CLDN16: variants seen among roughly 807,000 people sequenced by gnomAD.
CLDN16 encodes the protein claudin-16.
A neutral mutation model predicts 24.6 loss-of-function variants in CLDN16; 13 were observed. That is an observed-to-expected ratio of 0.53 (90% CI 0.34 to 0.84). The LOEUF is 0.84. Ranked by LOEUF, CLDN16 falls within the 40% of genes least tolerant of loss-of-function variation. The pLI, the probability that CLDN16 is intolerant of heterozygous loss-of-function variation, is 0.01. For synonymous variants in CLDN16, 116 were observed against 106.7 expected, an observed-to-expected ratio of 1.09 and a Z score of -0.54; for missense variants, 298 against 292.7, an observed-to-expected ratio of 1.02 and a Z score of -0.13.
intron 1 of CLDN16, among the ~76,000 whole-genome samples, chr3:190,325,089 C>G (rs576914080): frequency 2.0e-5 from 3 of 152,290 alleles, no homozygotes; most frequent in East Asian, 1.9e-4. Flanking sequence ...CTTTATGACT[C>G]TAAGTAATGA....
chr3:190,308,344 G>T, the CLDN16 span: 1 of 1,613,952 alleles, frequency 6.2e-7, no homozygotes, highest in Non-Finnish European at 8.5e-7. Flanking sequence ...GTAAGAGGTT[G>T]TTTTTCGGGG....
chr3:190,373,905 T>A (rs954133762), intron 2 of CLDN16, among the ~76,000 whole-genome samples: 2 of 151,554 alleles, frequency 1.3e-5, no homozygotes, highest in Admixed American at 6.6e-5. Context: ...ACCTGAGAGA[T>A]CCTTATACAT....
intron 1 of CLDN16, among the ~76,000 whole-genome samples, chr3:190,361,156 G>C (rs552216530): frequency 6.6e-6 from 1 of 152,098 alleles, no homozygotes; most frequent in South Asian, 2.1e-4. Context: ...CTTTCATTGA[G>C]TCAGTAATTA....
intron 1 of CLDN16, among the ~76,000 whole-genome samples, chr3:190,350,940 G>A (rs1717659775): frequency 6.6e-6 from 1 of 152,144 alleles, no homozygotes; most frequent in African/African-American, 2.4e-5. Context: ...GTTTGGAGGT[G>A]TGTCTCCGCC....
At chr3:190,311,298 C>A in the CLDN16 span, among the ~76,000 whole-genome samples, 7 of 152,276 alleles carry the variant, frequency 4.6e-5, no homozygotes, top group Admixed American at 2.0e-4. Flanking sequence ...CTTCATGCCA[C>A]GATGGCCACA....
At chr3:190,290,989 GA>G in the CLDN16 span, among the ~76,000 whole-genome samples, 9 of 152,190 alleles carry the variant, frequency 5.9e-5, no homozygotes, top group Admixed American at 5.9e-4. Flanking sequence ...AGAGAGTAAT[GA>G]GGGGCTGGGT....
At chr3:190,324,723 T>A (rs909945776) in intron 1 of CLDN16, among the ~76,000 whole-genome samples, 3 of 152,178 alleles carry the variant, frequency 2.0e-5, no homozygotes, top group East Asian at 1.9e-4. Flanking sequence ...CTGAGGTGAA[T>A]GCTGTTTGCT....
At chr3:190,293,241 A>G in the CLDN16 span, among the ~76,000 whole-genome samples, 5 of 151,938 alleles carry the variant, frequency 3.3e-5, no homozygotes, top group African/African-American at 1.2e-4. Flanking sequence ...ATTGGATCTC[A>G]TGAGAACACT....
intron 1 of CLDN16, among the ~76,000 whole-genome samples, chr3:190,325,549 G>A (rs1046161730): frequency 6.6e-6 from 1 of 152,154 alleles, no homozygotes; most frequent in African/African-American, 2.4e-5. Flanking sequence ...TATTCCATGT[G>A]CTTGTGCGAC....
the CLDN16 span, among the ~76,000 whole-genome samples, chr3:190,302,615 A>G: frequency 6.6e-6 from 1 of 152,024 alleles, no homozygotes. Flanking sequence ...AGAAAAAAAT[A>G]CAAAAATTAG....
At position 190,411,123 on chromosome 3, in the gene CLDN16, T is replaced by C. The variant is rs992035157; in HGVS notation, c.*1087T>C. The C allele has an allele frequency of 2.0e-5, 3 of 152,068 alleles. No individual in the cohort carries two copies. The highest frequency in any genetic ancestry group is 6.6e-5 in the Admixed American group (1 of 15,262). 9.4% of individuals were successfully genotyped at this position (152,068 alleles called of 1,614,324 possible). ...TAAAAATACAAAAATTAGCCGGGCG[T>C]GGTGGCGGTGCCTGTAGTCCCAGCT... On this transcript the variant is annotated 3_prime_UTR_variant, in exon 5 of 5. Coordinates refer to ENST00000264734, the MANE Select transcript of CLDN16 (RefSeq NM_006580.4).
rs569832941 is a variant in CLDN16 at position 190,330,243 on chromosome 3, A to G, written n.121+7582A>G. ...ACGACCTTTTGTTTACTGAAAAACT[A>G]TTGTTTCATTGTGAAATATTGGTTC... On this transcript the variant is annotated intron_variant and non_coding_transcript_variant, in intron 1 of 4. Coordinates refer to the CLDN16 transcript ENST00000468220. Among the ~76,000 whole-genome samples, 13 of 152,264 alleles carry G rather than the reference A, an allele frequency of 8.5e-5. No homozygotes were observed. In the South Asian group the frequency reaches 1.2e-3, roughly 15 times the overall value.
At chr3:190,408,165 A>C (rs1719153999) in intron 3 of CLDN16, 149 bp from the exon 4 acceptor site, 1 of 776,300 alleles carries the variant, frequency 1.3e-6, no homozygotes, top group Non-Finnish European at 2.3e-6. Context: ...AGACAGAAGA[A>C]GTGTCCGAAG....
At chr3:190,323,469 C>A (rs980560061) in intron 1 of CLDN16, among the ~76,000 whole-genome samples, 1 of 152,166 alleles carries the variant, frequency 6.6e-6, no homozygotes, top group African/African-American at 2.4e-5. Context: ...CTATGTTTCT[C>A]CAAAGCTTCC....
chr3:190,385,303 C>A (rs1457866447), upstream of CLDN16, among the ~76,000 whole-genome samples: 1 of 152,144 alleles, frequency 6.6e-6, no homozygotes, highest in African/African-American at 2.4e-5. Context: ...CTCACAACAC[C>A]CTACACATTT....
chr3:190,376,037 T>G (rs1423487610), intron 3 of CLDN16, among the ~76,000 whole-genome samples: 2 of 151,872 alleles, frequency 1.3e-5, no homozygotes, highest in Non-Finnish European at 2.9e-5. Flanking sequence ...TTGTTTGTTT[T>G]AGTGGCAGGT....
chr3:190,399,466 C>T (rs576983021), intron 1 of CLDN16, among the ~76,000 whole-genome samples: 31 of 152,092 alleles, frequency 2.0e-4, no homozygotes, highest in Non-Finnish European at 4.1e-4. Context: ...GAGCCGATCG[C>T]GCCATTGCAC....
At chr3:190,292,951 G>C in the CLDN16 span, among the ~76,000 whole-genome samples, 1 of 152,074 alleles carries the variant, frequency 6.6e-6, no homozygotes, top group African/African-American at 2.4e-5. Context: ...TCCAACCTCT[G>C]CCTGTTACCC....
intron 3 of CLDN16, among the ~76,000 whole-genome samples, chr3:190,380,776 T>TA (rs1190394156): frequency 1.3e-5 from 2 of 151,902 alleles, no homozygotes; most frequent in African/African-American, 4.8e-5. Context: ...AAACTCCATC[T>TA]AAAAAAATAA....
Sources: allele counts gnomAD v4.1 joint callset (sites outside exome capture counted in the v4.1 genomes callset), GRCh38; gene constraint gnomAD v4.1.1; transcripts MANE v1.5; gene names NCBI Gene and HGNC (gene_info 2026-07-23, HGNC 2026-07-21).